SCN9A: variants seen among roughly 807,000 people sequenced by gnomAD.
The protein encoded by SCN9A is sodium channel protein type 9 subunit alpha.
A neutral mutation model predicts 187.0 loss-of-function variants in SCN9A; 131 were observed. That is an observed-to-expected ratio of 0.70 (90% confidence interval 0.61 to 0.81). The LOEUF (loss-of-function observed/expected upper bound fraction) is 0.81. SCN9A is among the 30% of genes least tolerant of loss of function. The pLI, the probability that SCN9A is intolerant of heterozygous loss-of-function variation, is 0.00. For synonymous variants in SCN9A, 809 were observed against 808.6 expected, an observed-to-expected ratio of 1.00 and a Z score of -0.01; for missense variants, 2,252 against 2,396.6, an observed-to-expected ratio of 0.94 and a Z score of 1.26.
At chr2:166,227,902 A>T (rs1260474787) in intron 22 of SCN9A, among the ~76,000 whole-genome samples, 179 bp from the exon 23 acceptor site, 1 of 152,208 alleles carries the variant, frequency 6.6e-6, no homozygotes, top group African/African-American at 2.4e-5. Flanking sequence ...CCCAAGTAAC[A>T]TTCTAAATCT....
At chr2:166,306,050 AC>A (rs2106526610) in intron 4 of SCN9A, 130 bp from the exon 5 acceptor site, 1 of 1,004,572 alleles carries the variant, frequency 1.0e-6, no homozygotes, top group South Asian at 1.7e-5. Flanking sequence ...GGTTATGGAC[AC>A]ACCCTATTAA....
At chr2:166,302,339 T>C (rs1698591683) in intron 7 of SCN9A, 1 of 152,172 alleles carries the variant, frequency 6.6e-6, no homozygotes, top group African/African-American at 2.4e-5. Flanking sequence ...AATTCATGCT[T>C]TATGTAAGAA....
chr2:166,331,675 A>C (rs144136503), intron 1 of SCN9A, among the ~76,000 whole-genome samples: 112 of 152,334 alleles, frequency 7.4e-4, no homozygotes, highest in African/African-American at 2.3e-3. Context: ...TAATAGTGCT[A>C]TAAGAGATGA....
chr2:166,273,723 T>A (rs1697105729), intron 16 of SCN9A, among the ~76,000 whole-genome samples: 1 of 152,162 alleles, frequency 6.6e-6, no homozygotes, highest in Non-Finnish European at 1.5e-5. Context: ...TATTTAAACA[T>A]TGTTTTATCC....
chr2:166,268,494 G>T lies in SCN9A; in HGVS notation c.3351+3905C>A, dbSNP rs978592118. Among the ~76,000 whole-genome samples, 16 of 152,068 alleles carry T rather than the reference G, an allele frequency of 1.1e-4. No homozygotes were observed. In the East Asian group the frequency reaches 3.1e-3, roughly 29 times the overall value. ...TTCAAGACTCTGGGAACTCAAGTGGGAGATGAAGATTATGAGAATTAGAGC... is the reference window on the plus strand; with the variant it reads ...TTCAAGACTCTGGGAACTCAAGTGGTAGATGAAGATTATGAGAATTAGAGC... On this transcript the variant is annotated intron_variant, in intron 17 of 26. Transcript: ENST00000642356.
In SCN9A at chr2:166,288,418, T is replaced by C. The variant is rs1697885431; in HGVS notation, c.1314+19A>G. The C allele has an allele frequency of 6.3e-7, 1 of 1,589,980 alleles. No homozygotes were observed. Among genetic ancestry groups the C allele is most frequent in the Non-Finnish European group, 8.6e-7 (1 of 1,162,702 alleles). On this transcript the variant is annotated intron_variant, in intron 10 of 26. Coordinates refer to ENST00000642356, the MANE Select transcript of SCN9A (RefSeq NM_001365536.1). ...TGCATTTCTACCTCTAGGAAGAATT[T>C]TAAATCAAATAACAGTACCTCAGCT...
intron 1 of SCN9A, among the ~76,000 whole-genome samples, chr2:166,337,894 T>G (rs1221554675): frequency 6.6e-6 from 1 of 152,090 alleles, no homozygotes; most frequent in African/African-American, 2.4e-5. Flanking sequence ...CAATAAGAAC[T>G]CAATACATAC....
intron 12 of SCN9A, among the ~76,000 whole-genome samples, chr2:166,284,061 A>G (rs1697616580): frequency 6.6e-6 from 1 of 152,216 alleles, no homozygotes; most frequent in African/African-American, 2.4e-5. Context: ...TGACCTGAAA[A>G]AGATAGCAGT....
chr2:166,267,602 T>C (rs12473970), intron 17 of SCN9A, among the ~76,000 whole-genome samples: 6,650 of 152,004 alleles, frequency 0.044, 298 homozygotes, highest in East Asian at 0.18. Flanking sequence ...CCTTTCCTTT[T>C]GATTTTTTTG....
intron 1 of SCN9A, among the ~76,000 whole-genome samples, chr2:166,319,516 G>A (rs937977749): frequency 6.6e-6 from 1 of 152,064 alleles, no homozygotes; most frequent in African/African-American, 2.4e-5. Flanking sequence ...TAGAATTGAA[G>A]CAGAGAGGAT....
intron 1 of SCN9A, among the ~76,000 whole-genome samples, chr2:166,369,535 AT>A (rs563824187): frequency 1.3e-3 from 194 of 152,316 alleles, no homozygotes; most frequent in African/African-American, 4.4e-3. Flanking sequence ...CTGAATTACC[AT>A]GAGCCAAGTT....
intron 17 of SCN9A, among the ~76,000 whole-genome samples, chr2:166,271,471 G>A (rs948726817): frequency 6.6e-6 from 1 of 152,020 alleles, no homozygotes; most frequent in Non-Finnish European, 1.5e-5. Flanking sequence ...TTTGGTACAG[G>A]TAAAAATCTA....
intron 24 of SCN9A, among the ~76,000 whole-genome samples, chr2:166,224,064 T>C (rs959526227): frequency 6.6e-6 from 1 of 152,172 alleles, no homozygotes; most frequent in South Asian, 2.1e-4. Flanking sequence ...CCTATTTTAC[T>C]TCCTGCAGTA....
intron 19 of SCN9A, among the ~76,000 whole-genome samples, chr2:166,240,757 C>T (rs1695530172): frequency 6.6e-6 from 1 of 152,138 alleles, no homozygotes; most frequent in African/African-American, 2.4e-5. Flanking sequence ...GGGAGTGTGC[C>T]AAGAATGCCA....
chr2:166,289,870 T>A (rs1377059244), intron 9 of SCN9A, among the ~76,000 whole-genome samples: 1 of 152,210 alleles, frequency 6.6e-6, no homozygotes, highest in East Asian at 1.9e-4. Context: ...ATTGTGGTTT[T>A]GAATTGCATT....
At chr2:166,200,516 T>C (rs1382349475) in intron 26 of SCN9A, among the ~76,000 whole-genome samples, 1 of 151,392 alleles carries the variant, frequency 6.6e-6, no homozygotes, top group East Asian at 1.9e-4. Context: ...ATAAATCACC[T>C]GAAATGTCAA....
rs558053149 is a variant in SCN9A, at chr2:166,198,946, C to T, written c.5693G>A (p.Arg1898His). 20 of 1,613,934 alleles carry T rather than the reference C, an allele frequency of 1.2e-5. No homozygotes were observed. The highest frequency in any genetic ancestry group is 4.5e-5 in the East Asian group (2 of 44,880). ...QEDVSATVIQ[R>H]AYRRYRLRQN... The stretch of plus-strand genomic sequence containing the variant: ...CCTTAAGCGGTAACGTCTATAAGCA[C>T]GCTGAATGACAGTAGCAGACACATC... The change falls in exon 27 of 27, where the codon CGT (arginine) becomes CAT (histidine). Residue 1898 changes from arginine (R) to histidine (H), a missense_variant. Arg to His is a conservative substitution (Grantham distance 29). Around this residue, in one of 7 missense-constraint regions of SCN9A, gnomAD observed 345 missense variants for 344.6 expected, o/e 1.00. Coordinates refer to ENST00000642356, the MANE Select transcript of SCN9A (RefSeq NM_001365536.1).
At chr2:166,215,579 T>C (rs147478239) in intron 24 of SCN9A, among the ~76,000 whole-genome samples, 383 of 151,754 alleles carry the variant, frequency 2.5e-3, no homozygotes, top group Non-Finnish European at 3.1e-3. Flanking sequence ...GAAGGGAGAC[T>C]AACACTGATA....
In SCN9A at chr2:166,203,977, C is replaced by A. The variant is rs2106346017; in HGVS notation, c.4752G>T (p.Val1584=). 6.3e-7 allele frequency: 1 copy of A among 1,591,072 alleles called. No individual in the cohort carries two copies. Among genetic ancestry groups the A allele is most frequent in the Non-Finnish European group, 8.6e-7 (1 of 1,162,788 alleles). ...FTVGWNIFDF[V]VVIISIVGMF... is the part of the protein sequence containing the mutation. ...TACCTACAATGGAGATAATCACAAC[C>A]ACAAAATCAAAAATATTCCATCCTA... The change falls in exon 26 of 27, where the codon GTG becomes GTT. Residue 1584 remains valine, a synonymous_variant. Coordinates refer to ENST00000642356, the MANE Select transcript of SCN9A (RefSeq NM_001365536.1).
Sources: allele counts gnomAD v4.1 joint callset (sites outside exome capture counted in the v4.1 genomes callset), GRCh38; gene constraint gnomAD v4.1.1; regional missense constraint gnomAD v4.1.1; transcripts MANE v1.5; gene names NCBI Gene and HGNC (gene_info 2026-07-23, HGNC 2026-07-21).